The following KLHL5 variants were observed in gnomAD, a reference collection of about 807,000 sequenced individuals.
KLHL5 encodes kelch like family member 5.
A neutral mutation model predicts 77.7 loss-of-function variants in KLHL5; 48 were observed. The ratio of observed to expected loss-of-function variants is 0.62; its 90% CI spans 0.49 to 0.79. The LOEUF is 0.79. Ranked by LOEUF, KLHL5 falls within the 30% of genes least tolerant of loss-of-function variation. KLHL5 has a pLI of 0.00. For synonymous variants in KLHL5, 260 were observed against 297.0 expected (o/e 0.88, Z 1.28); for missense variants, 723 against 859.7 (o/e 0.84, Z 1.99).
chr4:39,086,484 A>G (rs773545843), intron 4 of KLHL5, 31 bp from the exon 5 acceptor site: 5 of 1,548,262 alleles, frequency 3.2e-6, no homozygotes, highest in Admixed American at 1.7e-5. Context: ...AGAAGGAACA[A>G]TATTGTTTAT....
At chr4:39,057,938 C>A (rs949939408), upstream of KLHL5, among the ~76,000 whole-genome samples, 2 of 152,112 alleles carry the variant, frequency 1.3e-5, no homozygotes, top group Non-Finnish European at 2.9e-5. Context: ...AGTGAGCTCA[C>A]CTTCAGTCTA....
At chr4:39,107,009 G>C (rs941239857) in intron 7 of KLHL5, among the ~76,000 whole-genome samples, 15 of 151,442 alleles carry the variant, frequency 9.9e-5, no homozygotes, top group African/African-American at 3.6e-4. Flanking sequence ...TGGGATTACA[G>C]GCTTGAGCCA....
chr4:39,054,061 G>A (rs28500681), intron 1 of KLHL5, among the ~76,000 whole-genome samples: 4,335 of 152,152 alleles, frequency 0.028, 178 homozygotes, highest in African/African-American at 0.098. Flanking sequence ...CCCCCTCCCC[G>A]CTGCCTTTTG....
chr4:39,113,377 C>T (rs1042379528), intron 9 of KLHL5, 145 bp downstream of exon 9: 12 of 640,098 alleles, frequency 1.9e-5, no homozygotes, highest in Non-Finnish European at 3.2e-5. Flanking sequence ...TAACAGCCTG[C>T]TCTCACAGGA....
intron 1 of KLHL5, among the ~76,000 whole-genome samples, chr4:39,072,160 A>G (rs537906639): frequency 8.0e-5 from 12 of 149,428 alleles, no homozygotes; most frequent in Middle Eastern, 3.4e-3. Context: ...AAAAAAGACA[A>G]CCATCCAAAC....
intron 8 of KLHL5, chr4:39,112,674 T>C (rs932407802): frequency 4.7e-5 from 10 of 213,564 alleles, no homozygotes; most frequent in Non-Finnish European, 8.5e-5. Context: ...AGCCATGGTA[T>C]ATTTATACAC....
At chr4:39,061,079 G>A (rs1161488470), upstream of KLHL5, among the ~76,000 whole-genome samples, 1 of 152,032 alleles carries the variant, frequency 6.6e-6, no homozygotes, top group African/African-American at 2.4e-5. Context: ...ATTCTTAGCA[G>A]CCTTCTCCCT....
intron 2 of KLHL5, among the ~76,000 whole-genome samples, chr4:39,078,610 G>A (rs997703505): frequency 2.0e-5 from 3 of 152,038 alleles, no homozygotes; most frequent in African/African-American, 7.2e-5. Flanking sequence ...CATGAGTATT[G>A]CTTGATCCTG....
upstream of KLHL5, among the ~76,000 whole-genome samples, chr4:39,059,373 C>T (rs1195560005): frequency 6.6e-6 from 1 of 152,110 alleles, no homozygotes; most frequent in Non-Finnish European, 1.5e-5. Context: ...AAGAGTTATT[C>T]AGCCACATTA....
At chr4:39,095,791 G>A (rs1721010211) in intron 5 of KLHL5, among the ~76,000 whole-genome samples, 2 of 151,738 alleles carry the variant, frequency 1.3e-5, no homozygotes, top group South Asian at 4.1e-4. Context: ...TTGAGATAAT[G>A]TTGAGTAAAG....
In KLHL5 at chr4:39,096,302, G is replaced by A. The variant is rs147947015; in HGVS notation, c.1114-390G>A. On this transcript the variant is annotated intron_variant, in intron 5 of 10. Coordinates refer to ENST00000504108, the MANE Select transcript of KLHL5 (RefSeq NM_015990.5). ...CATTTAGCAAAGTTAAGTGAACGCA[G>A]CATAATTAGTCAACTCCTACTTATA... 2.6e-4 allele frequency among the ~76,000 whole-genome samples: 39 copies of A among 152,126 alleles called. 1 individual carries two copies. The highest frequency in any genetic ancestry group is 2.6e-3 in the Admixed American group (39 of 15,290).
At chr4:39,067,357 C>A (rs1560410768) in intron 1 of KLHL5, among the ~76,000 whole-genome samples, 1 of 152,062 alleles carries the variant, frequency 6.6e-6, no homozygotes, top group Non-Finnish European at 1.5e-5. Flanking sequence ...AGATAAAGTG[C>A]CATTTTTTTC....
intron 4 of KLHL5, among the ~76,000 whole-genome samples, chr4:39,083,809 C>A (rs538920736): frequency 6.6e-6 from 1 of 152,262 alleles, no homozygotes; most frequent in East Asian, 1.9e-4. Flanking sequence ...ACAGTAGAGG[C>A]ATGATTGCTG....
At chr4:39,054,901 T>C (rs1716904807) in intron 1 of KLHL5, among the ~76,000 whole-genome samples, 1 of 152,250 alleles carries the variant, frequency 6.6e-6, no homozygotes, top group Admixed American at 6.5e-5. Context: ...TACCAGAAGT[T>C]GGTTCTGTTT....
intron 1 of KLHL5, chr4:39,045,188 G>T (rs1238480517): frequency 2.0e-6 from 2 of 982,626 alleles, no homozygotes; most frequent in African/African-American, 1.8e-5. Context: ...CCCCGCTGCG[G>T]CCTCCCGGAG....
At chr4:39,104,770 CTT>C (rs879766636) in intron 7 of KLHL5, among the ~76,000 whole-genome samples, 2 of 146,412 alleles carry the variant, frequency 1.4e-5, no homozygotes. Context: ...AAGAAATAAA[CTT>C]TTTTTTTTTT....
chr4:39,107,855 C>T, intron 8 of KLHL5, 124 bp downstream of exon 8: 1 of 643,922 alleles, frequency 1.6e-6, no homozygotes, highest in East Asian at 2.9e-5. Context: ...AAAACAATGT[C>T]TCTTTCTATA....
chr4:39,055,905 A>AT (rs1716971980), intron 1 of KLHL5, among the ~76,000 whole-genome samples: 1 of 151,900 alleles, frequency 6.6e-6, no homozygotes, highest in Admixed American at 6.6e-5. Flanking sequence ...TTTTGCCTTG[A>AT]TTTTTTTCCT....
intron 7 of KLHL5, among the ~76,000 whole-genome samples, chr4:39,105,295 C>T (rs1036033): frequency 0.5 from 75,885 of 150,970 alleles, 19,235 homozygotes; most frequent in Admixed American, 0.57. Context: ...TATAGGCATG[C>T]ACCATCACAC....
Sources: gnomAD v4.1 joint callset for allele counts (sites outside exome capture counted in the v4.1 genomes callset) on GRCh38, gnomAD v4.1.1 for gene constraint, MANE v1.5 for transcripts, NCBI Gene and HGNC (gene_info 2026-07-23, HGNC 2026-07-21) for gene names.